Variants in CDH2 observed in about 807,000 individuals in gnomAD.
CDH2 encodes cadherin-2.
Under a neutral mutation model 92.0 loss-of-function variants are expected in CDH2, and 17 were observed. The observed-to-expected ratio is 0.18, with a 90% CI of 0.13 to 0.28. The LOEUF is 0.28. Among genes scored for constraint, CDH2 ranks in the 10% least tolerant of loss-of-function variants. The probability of loss-of-function intolerance (pLI) is 1.00; values close to 1 mark genes in which losing one functional copy is unlikely to be tolerated. For synonymous variants in CDH2, 419 were observed against 415.9 expected, an observed-to-expected ratio of 1.01 and a Z score of -0.09; for missense variants, 862 against 1,133.1, an observed-to-expected ratio of 0.76 and a Z score of 3.44.
chr18:28,045,492 C>T (rs1411465797), intron 2 of CDH2: 2 of 459,360 alleles, frequency 4.4e-6, no homozygotes, highest in Non-Finnish European at 9.0e-6. Context: ...TGTAAATGAA[C>T]TTCATTTCCA....
At chr18:28,091,368 G>A (rs934241223) in intron 2 of CDH2, among the ~76,000 whole-genome samples, 1 of 152,052 alleles carries the variant, frequency 6.6e-6, no homozygotes, top group African/African-American at 2.4e-5. Flanking sequence ...ACTCTGTAAC[G>A]AATTGGATTT....
chr18:28,015,589 C>CT (rs764984128), intron 2 of CDH2, among the ~76,000 whole-genome samples: 2 of 152,044 alleles, frequency 1.3e-5, no homozygotes, highest in African/African-American at 2.4e-5. Flanking sequence ...ATAAAAAGTA[C>CT]TTTTTTATAT....
At chr18:28,152,039 TGTA>T (rs2016131111) in intron 1 of CDH2, among the ~76,000 whole-genome samples, 1 of 152,122 alleles carries the variant, frequency 6.6e-6, no homozygotes, top group Non-Finnish European at 1.5e-5. Context: ...CATTTGAAAA[TGTA>T]AAAAATATTC....
At chr18:27,979,804 G>A (rs947217369) in intron 14 of CDH2, among the ~76,000 whole-genome samples, 1 of 152,320 alleles carries the variant, frequency 6.6e-6, no homozygotes, top group East Asian at 1.9e-4. Context: ...ACTTTGGACA[G>A]AGGGCAAACC....
chr18:27,998,071 G>A (rs1409255207), intron 7 of CDH2, among the ~76,000 whole-genome samples: 1 of 152,136 alleles, frequency 6.6e-6, no homozygotes, highest in Non-Finnish European at 1.5e-5. Context: ...CTCCCAAAGT[G>A]CTGGGATTAC....
intron 2 of CDH2, among the ~76,000 whole-genome samples, chr18:28,059,717 T>C (rs2014362801): frequency 6.6e-6 from 1 of 152,206 alleles, no homozygotes; most frequent in African/African-American, 2.4e-5. Context: ...CACATACACA[T>C]AGGTATGCAG....
intron 2 of CDH2, among the ~76,000 whole-genome samples, chr18:28,077,980 C>T (rs2014757165): frequency 6.6e-6 from 1 of 150,422 alleles, no homozygotes; most frequent in Non-Finnish European, 1.5e-5. Flanking sequence ...GATACCAAAT[C>T]GAATCTGTGG....
chr18:28,136,676 A>G (rs2015867537), intron 2 of CDH2, among the ~76,000 whole-genome samples: 1 of 152,158 alleles, frequency 6.6e-6, no homozygotes, highest in African/African-American at 2.4e-5. Flanking sequence ...TTAATTTATA[A>G]CCTCCAAAGT....
intron 14 of CDH2, among the ~76,000 whole-genome samples, chr18:27,979,781 A>T (rs1210423240): frequency 6.6e-6 from 1 of 152,174 alleles, no homozygotes; most frequent in African/African-American, 2.4e-5. Flanking sequence ...GACAGAAATA[A>T]AAAAGAGTGG....
intron 2 of CDH2, among the ~76,000 whole-genome samples, chr18:28,121,770 G>GT (rs1402676887): frequency 3.3e-5 from 5 of 152,106 alleles, no homozygotes; most frequent in African/African-American, 1.2e-4. Flanking sequence ...GTCTGAACCA[G>GT]TAGCATAGAA....
Position 28,165,528 on chromosome 18 carries a change from G to A in CDH2, c.60+11435C>T, listed in dbSNP as rs930803966. 6.6e-5 allele frequency among the ~76,000 whole-genome samples: 10 copies of A among 152,030 alleles called. 1 individual carries two copies. The highest frequency in any genetic ancestry group is 4.1e-4 in the South Asian group (2 of 4,826). ...TTCTAAGTGATTTATATATGCACAC[G>A]CACAAACACACACTAACCCATTTAT... On this transcript the variant is annotated intron_variant, in intron 1 of 15. Coordinates refer to ENST00000269141, the MANE Select transcript of CDH2 (RefSeq NM_001792.5).
At chr18:28,128,387 CT>C (rs959764900) in intron 2 of CDH2, among the ~76,000 whole-genome samples, 3 of 152,086 alleles carry the variant, frequency 2.0e-5, no homozygotes, top group Non-Finnish European at 4.4e-5. Context: ...AATGATGTGG[CT>C]ACTGTTCAAA....
chr18:28,150,783 C>A (rs961023071), intron 1 of CDH2, among the ~76,000 whole-genome samples: 1 of 152,164 alleles, frequency 6.6e-6, no homozygotes, highest in African/African-American at 2.4e-5. Context: ...TTCCTAAATT[C>A]TTCTTCCTTA....
At chr18:27,981,022 G>A (rs1279871734) in intron 14 of CDH2, among the ~76,000 whole-genome samples, 2 of 152,048 alleles carry the variant, frequency 1.3e-5, no homozygotes, top group African/African-American at 4.8e-5. Flanking sequence ...TTGGACTGGT[G>A]GGGAAAGGAG....
intron 2 of CDH2, among the ~76,000 whole-genome samples, chr18:28,142,406 G>C (rs1474863926): frequency 6.7e-6 from 1 of 150,290 alleles, no homozygotes; most frequent in Non-Finnish European, 1.5e-5. Context: ...AAGAAAACTA[G>C]ACCTAAAATA....
At position 28,168,865 on chromosome 18, in the gene CDH2, G is replaced by C. The variant is rs534422138; in HGVS notation, c.60+8098C>G. On this transcript the variant is annotated intron_variant, in intron 1 of 15. Coordinates refer to ENST00000269141, the MANE Select transcript of CDH2 (RefSeq NM_001792.5). The stretch of plus-strand genomic sequence containing the variant: ...AGAAACTGAAACTCTTCTTTATTGT[G>C]ACAGTCATTCTCTGGGTATTATACA... Among the ~76,000 whole-genome samples the C allele has an allele frequency of 2.2e-4, 34 of 152,130 alleles. 1 individual carries two copies. Among genetic ancestry groups the C allele is most frequent in the Admixed American group, 1.0e-3 (16 of 15,280 alleles).
At chr18:28,122,565 ATG>A (rs1322052064) in intron 2 of CDH2, among the ~76,000 whole-genome samples, 4 of 152,142 alleles carry the variant, frequency 2.6e-5, no homozygotes, top group African/African-American at 9.7e-5. Flanking sequence ...GGGTGGTGCT[ATG>A]TAATCTGAAA....
At chr18:28,141,819 C>T (rs1371200901) in intron 2 of CDH2, among the ~76,000 whole-genome samples, 2 of 152,038 alleles carry the variant, frequency 1.3e-5, no homozygotes, top group African/African-American at 4.8e-5. Flanking sequence ...ACCTCAGACA[C>T]ACTTCTGCCT....
At chr18:27,975,381 C>T (rs181033783) in intron 14 of CDH2, among the ~76,000 whole-genome samples, 5 of 152,366 alleles carry the variant, frequency 3.3e-5, no homozygotes, top group African/African-American at 1.2e-4. Flanking sequence ...GAAAAGTCCT[C>T]ATCCCTTTGA....
Sources: gnomAD v4.1 joint callset for allele counts (sites outside exome capture counted in the v4.1 genomes callset) on GRCh38, gnomAD v4.1.1 for gene constraint, MANE v1.5 for transcripts, NCBI Gene and HGNC (gene_info 2026-07-23, HGNC 2026-07-21) for gene names.